Variants in HTR2C observed in about 807,000 individuals in gnomAD.
HTR2C encodes the protein 5-hydroxytryptamine receptor 2C.
In HTR2C, 5 loss-of-function variants were observed where a neutral mutation model predicts 21.0. The ratio of observed to expected loss-of-function variants is 0.24; its 90% confidence interval spans 0.12 to 0.50. The LOEUF is 0.50. Ranked by LOEUF, HTR2C falls within the 20% of genes least tolerant of loss-of-function variation. HTR2C has a pLI of 0.98. For missense variants in HTR2C, 271 were observed against 371.2 expected (o/e 0.73, Z 2.22); for synonymous variants, 150 against 145.3 (o/e 1.03, Z -0.23).
intron 2 of HTR2C, among the ~76,000 whole-genome samples, chrX:114,626,243 G>A (rs1556402796): frequency 5.6e-5 from 6 of 107,872 alleles, no homozygotes. Flanking sequence ...TAAAAAATTA[G>A]CCAGGCATGG....
chrX:114,764,723 C>T (rs2069920037), intron 4 of HTR2C, among the ~76,000 whole-genome samples: 1 of 111,521 alleles, frequency 9.0e-6, no homozygotes, highest in Non-Finnish European at 1.9e-5. Flanking sequence ...GGACGCACCT[C>T]CTACGTTTTC....
At chrX:114,869,244 A>T (rs892465188) in intron 5 of HTR2C, among the ~76,000 whole-genome samples, 4 of 111,293 alleles carry the variant, frequency 3.6e-5, no homozygotes, top group African/African-American at 9.8e-5. Flanking sequence ...TCTATCATTG[A>T]TGGACATTTG....
chrX:114,613,745 G>C (rs1928838932), intron 1 of HTR2C, 70 bp from the exon 2 acceptor site: 1 of 111,492 alleles, frequency 9.0e-6, no homozygotes, highest in East Asian at 2.8e-4. Flanking sequence ...ATATGTGAAT[G>C]GTATACCTAC....
At chrX:114,702,554 G>A (rs1477167554) in intron 2 of HTR2C, among the ~76,000 whole-genome samples, 1 of 111,305 alleles carries the variant, frequency 9.0e-6, no homozygotes, top group Non-Finnish European at 1.9e-5. Flanking sequence ...AGAGCTCCTG[G>A]AGGAAGCACT....
intron 5 of HTR2C, among the ~76,000 whole-genome samples, chrX:114,869,090 T>A (rs1268713580): frequency 2.7e-5 from 3 of 109,579 alleles, no homozygotes; most frequent in African/African-American, 1.0e-4. Flanking sequence ...GAACATGCGG[T>A]GTTTGGTTTT....
chrX:114,664,342 A>G (rs1931100449), intron 2 of HTR2C, among the ~76,000 whole-genome samples: 1 of 111,672 alleles, frequency 9.0e-6, no homozygotes, highest in African/African-American at 3.3e-5. Context: ...CCCAGCATGC[A>G]CTAGCTATTC....
intron 2 of HTR2C, among the ~76,000 whole-genome samples, chrX:114,702,791 T>C (rs1269875410): frequency 9.4e-6 from 1 of 106,119 alleles, no homozygotes; most frequent in African/African-American, 3.4e-5. Flanking sequence ...TCAAGACCCA[T>C]CAGTGTGCTG....
chrX:114,707,589 A>T (rs782478816), intron 2 of HTR2C, among the ~76,000 whole-genome samples: 10 of 111,063 alleles, frequency 9.0e-5, no homozygotes, highest in Admixed American at 3.9e-4. Flanking sequence ...ATGGTGCTAC[A>T]ATTCAGCTTC....
At chrX:114,630,706 T>C (rs1342370113) in intron 2 of HTR2C, 3 of 191,827 alleles carry the variant, frequency 1.6e-5, no homozygotes, top group Non-Finnish European at 3.2e-5. Context: ...AGCAATGGGT[T>C]CTGAGATGTT....
intron 2 of HTR2C, among the ~76,000 whole-genome samples, chrX:114,674,119 G>A (rs1931473750): frequency 8.9e-6 from 1 of 112,155 alleles, no homozygotes; most frequent in Admixed American, 9.5e-5. Context: ...GAACAAATGT[G>A]TTTGTTGATT....
At chrX:114,877,027 T>C (rs2071143904) in intron 5 of HTR2C, among the ~76,000 whole-genome samples, 2 of 111,571 alleles carry the variant, frequency 1.8e-5, no homozygotes, top group South Asian at 3.7e-4. Context: ...TTGGTGCTAG[T>C]TCTTCATGAA....
At chrX:114,670,569 A>C (rs1380913251) in intron 2 of HTR2C, among the ~76,000 whole-genome samples, 2 of 112,364 alleles carry the variant, frequency 1.8e-5, no homozygotes. Context: ...TCCTGAAATA[A>C]GCAATTAAAA....
At chrX:114,633,788 C>T (rs1929724638) in intron 2 of HTR2C, among the ~76,000 whole-genome samples, 2 of 109,226 alleles carry the variant, frequency 1.8e-5, no homozygotes, top group Admixed American at 9.9e-5. Context: ...TATATATATA[C>T]ACATATATGT....
intron 5 of HTR2C, among the ~76,000 whole-genome samples, chrX:114,902,603 GTATT>G (rs201844012): frequency 1.8e-5 from 2 of 110,183 alleles, no homozygotes; most frequent in African/African-American, 6.6e-5. Flanking sequence ...AAAATTTATT[GTATT>G]TATTTATTTA....
chrX:114,641,055 T>TTCTTTTCTTTTC (rs1556406339), intron 2 of HTR2C, among the ~76,000 whole-genome samples: 16 of 101,448 alleles, frequency 1.6e-4, no homozygotes, highest in African/African-American at 6.3e-4. Context: ...TTTCTTTCTT[T>TTCTTTTCTTTTC]TTTTCTTTTC....
intron 4 of HTR2C, among the ~76,000 whole-genome samples, chrX:114,831,147 G>A (rs1206965609): frequency 2.1e-5 from 2 of 94,253 alleles, no homozygotes; most frequent in African/African-American, 7.6e-5. Flanking sequence ...GAATAATGCC[G>A]CAATAAACAT....
intron 5 of HTR2C, among the ~76,000 whole-genome samples, chrX:114,893,815 T>G (rs1401057591): frequency 8.9e-6 from 1 of 111,796 alleles, no homozygotes; most frequent in African/African-American, 3.2e-5. Context: ...AAGACGTGTA[T>G]GCAAAATATA....
intron 2 of HTR2C, among the ~76,000 whole-genome samples, chrX:114,669,257 CAT>C (rs1556411294): frequency 3.6e-5 from 4 of 111,442 alleles, no homozygotes; most frequent in African/African-American, 1.3e-4. Context: ...ATCTAAGAAC[CAT>C]ATACACACAA....
chrX:114,597,730 A>T (rs1449988610), intron 1 of HTR2C, among the ~76,000 whole-genome samples: 2 of 112,078 alleles, frequency 1.8e-5, no homozygotes, highest in Non-Finnish European at 3.8e-5. Flanking sequence ...AAAATGTGAT[A>T]CTGGATCTCT....
Sources: allele counts gnomAD v4.1 joint callset (sites outside exome capture counted in the v4.1 genomes callset), GRCh38; gene constraint gnomAD v4.1.1; transcripts MANE v1.5; gene names NCBI Gene and HGNC (gene_info 2026-07-23, HGNC 2026-07-21).